The following MAP3K4 variants were observed in gnomAD, a reference collection of about 807,000 sequenced individuals.
The protein encoded by MAP3K4 is MAP three kinase 1.
A neutral mutation model predicts 185.6 loss-of-function variants in MAP3K4; 67 were observed. That is an observed-to-expected ratio of 0.36 (90% CI 0.30 to 0.44). MAP3K4 has a LOEUF of 0.44. Ranked by LOEUF, MAP3K4 falls within the 20% of genes least tolerant of loss-of-function variation. MAP3K4 has a pLI of 1.00. For synonymous variants in MAP3K4, 702 were observed against 710.4 expected (o/e 0.99, Z 0.19); for missense variants, 1,551 against 1,995.1 (o/e 0.78, Z 4.24).
chr6:161,106,375 C>A lies in MAP3K4; in HGVS notation c.3857-139C>A. The A allele has an allele frequency of 3.5e-6, 2 of 573,364 alleles. No individual in the cohort carries two copies. Among genetic ancestry groups the A allele is most frequent in the Non-Finnish European group, 6.1e-6 (2 of 329,862 alleles). The allele number at this position is 573,364 out of a possible 1,614,324, so 35.5% of individuals were successfully genotyped here. A position where few individuals can be genotyped will look rare whatever the true frequency, so the allele number is the denominator to read the frequency against. On this transcript the variant is annotated intron_variant, in intron 19 of 26. Transcript: ENST00000392142. The surrounding 1 kb of genome is among the most constrained non-coding windows in gnomAD (Gnocchi z 4.9). ...TAGCGTTTGAAGAACTTTAATTCAC[C>A]TGCTGTTTATCTGAATAGATAATAA...
At chr6:161,095,840 A>G (rs1777542723) in intron 15 of MAP3K4, among the ~76,000 whole-genome samples, 1 of 152,242 alleles carries the variant, frequency 6.6e-6, no homozygotes. Context: ...TGAAGTGGAA[A>G]GTTTTGCAGT....
At position 161,054,834 on chromosome 6, in the gene MAP3K4, A is replaced by G. The variant is rs1784164862; in HGVS notation, c.1707+4855A>G. ...TAACTGAACTAATAATACCAGCTGC[A>G]GTTTTATCCTGGCTGTAAGGACTAC... On this transcript the variant is annotated intron_variant, in intron 3 of 26. Coordinates refer to ENST00000392142, the MANE Select transcript of MAP3K4 (RefSeq NM_005922.4). The surrounding 1 kb of genome is among the most constrained non-coding windows in gnomAD (Gnocchi z 4.2). 6.6e-6 allele frequency among the ~76,000 whole-genome samples: 1 copy of G among 152,226 alleles called. No individual in the cohort carries two copies. Among genetic ancestry groups the G allele is most frequent in the Non-Finnish European group, 1.5e-5 (1 of 68,036 alleles).
rs1193430414 is a variant in MAP3K4, at chr6:161,112,738, T to C, written c.4590T>C (p.Ser1530=). ...ATGGGCGTGCGGCCGACATCTGGAG[T>C]CTGGGGTGTGTTGTCATAGAGATGG... ...EGHGRAADIW[S]LGCVVIEMVT... Residue 1530 remains serine, a synonymous_variant, in exon 25 of 27, where the codon AGT becomes AGC. Transcript: ENST00000392142. This position sits in a 1 kb window ranked among gnomAD's most constrained non-coding sequence, Gnocchi z 5.1. 1.2e-6 allele frequency: 2 copies of C among 1,607,062 alleles called. No homozygotes were observed. Among genetic ancestry groups the C allele is most frequent in the African/African-American group, 2.7e-5 (2 of 74,552 alleles).
chr6:161,061,253 G>T lies in MAP3K4; in HGVS notation c.1708-9355G>T, dbSNP rs1158298630. 1.3e-5 allele frequency among the ~76,000 whole-genome samples: 2 copies of T among 152,110 alleles called. No individual in the cohort carries two copies. The highest frequency in any genetic ancestry group is 4.8e-5 in the African/African-American group (2 of 41,414). On this transcript the variant is annotated intron_variant, in intron 3 of 26. Transcript: ENST00000392142. This position sits in a 1 kb window ranked among gnomAD's most constrained non-coding sequence, Gnocchi z 4.2. ...CAGATACTGACTATATTCCAAAATA[G>T]ACAATCATCTCAGTGTGATTACTGG...
chr6:161,060,861 C>A (rs914349584), intron 3 of MAP3K4, among the ~76,000 whole-genome samples: 2 of 152,136 alleles, frequency 1.3e-5, no homozygotes, highest in African/African-American at 4.8e-5. Context: ...CTCAAGTGAT[C>A]TGCCGGCCTC....
chr6:161,038,432 T>G (rs58645207), intron 2 of MAP3K4, among the ~76,000 whole-genome samples: 1 of 152,200 alleles, frequency 6.6e-6, no homozygotes, highest in Non-Finnish European at 1.5e-5. Flanking sequence ...ATTAGATTGG[T>G]CAGATTTATT....
rs1011940736 is a variant in MAP3K4 at position 161,116,733 on chromosome 6, A to C, written c.4807-117A>C. 53 of 828,050 alleles carry C rather than the reference A, an allele frequency of 6.4e-5. No individual in the cohort carries two copies. Among genetic ancestry groups the C allele is most frequent in the South Asian group, 8.9e-5 (6 of 67,202 alleles). 51.3% of individuals were successfully genotyped at this position (828,050 alleles called of 1,614,324 possible). A position where few individuals can be genotyped will look rare whatever the true frequency, so the allele number is the denominator to read the frequency against. On this transcript the variant is annotated intron_variant, in intron 26 of 26. Transcript: ENST00000392142. This position sits in a 1 kb window ranked among gnomAD's most constrained non-coding sequence, Gnocchi z 6.2. Reference sequence around the variant, plus strand: ...AAGCCTTGCCCTCTGTGCCCAGTACAGTGCTGGGAGCATCAGGATGAGTGG... The same window carrying C: ...AAGCCTTGCCCTCTGTGCCCAGTACCGTGCTGGGAGCATCAGGATGAGTGG...
rs1384213987 is a variant in MAP3K4, at chr6:161,103,713, G to A, written c.3856+934G>A. ...AGCTGGTGTGTTTGGGATGTGGGAG[G>A]CTGGGGATGAGTAAGACGCTGAGAT... On this transcript the variant is annotated intron_variant, in intron 19 of 26. Coordinates refer to ENST00000392142, the MANE Select transcript of MAP3K4 (RefSeq NM_005922.4). This position sits in a 1 kb window ranked among gnomAD's most constrained non-coding sequence, Gnocchi z 4.6. Among the ~76,000 whole-genome samples the A allele has an allele frequency of 6.6e-6, 1 of 152,198 alleles. No individual in the cohort carries two copies. The highest frequency in any genetic ancestry group is 1.5e-5 in the Non-Finnish European group (1 of 68,038).
intron 1 of MAP3K4, among the ~76,000 whole-genome samples, chr6:161,000,418 TC>T (rs373754558): frequency 2.2e-4 from 34 of 152,292 alleles, no homozygotes; most frequent in African/African-American, 7.0e-4. Flanking sequence ...AATACTTACT[TC>T]TTGAAGACAG....
At chr6:161,058,128 A>G (rs1784323718) in intron 3 of MAP3K4, among the ~76,000 whole-genome samples, 1 of 152,280 alleles carries the variant, frequency 6.6e-6, no homozygotes, top group Non-Finnish European at 1.5e-5. Flanking sequence ...GAGCCAGGAT[A>G]TGAACCCAGA....
chr6:161,112,579 T>G lies in MAP3K4; in HGVS notation c.4520-89T>G. The G allele has an allele frequency of 3.9e-6, 3 of 773,696 alleles. No individual in the cohort carries two copies. Among genetic ancestry groups the G allele is most frequent in the Non-Finnish European group, 5.7e-6 (3 of 526,558 alleles). 47.9% of individuals were successfully genotyped at this position (773,696 alleles called of 1,614,324 possible). On this transcript the variant is annotated intron_variant, in intron 24 of 26. Coordinates refer to ENST00000392142, the MANE Select transcript of MAP3K4 (RefSeq NM_005922.4). The surrounding 1 kb of genome is among the most constrained non-coding windows in gnomAD (Gnocchi z 5.1). ...ATTACCTAATGCAGGAAGATAATAT[T>G]GTACAATATTAATTTATTGCTTGGC...
At chr6:161,047,137 TATATA>T (rs1159094499) in intron 2 of MAP3K4, among the ~76,000 whole-genome samples, 1 of 146,554 alleles carries the variant, frequency 6.8e-6, no homozygotes, top group Non-Finnish European at 1.5e-5. Context: ...TATATATATA[TATATA>T]TATGTTTAAA....
At chr6:161,020,963 G>A (rs925873228) in intron 1 of MAP3K4, among the ~76,000 whole-genome samples, 9 of 152,166 alleles carry the variant, frequency 5.9e-5, no homozygotes, top group South Asian at 4.1e-4. Flanking sequence ...TACCAATTAC[G>A]TTCTCCTTAG....
chr6:161,020,305 C>T (rs747516708), intron 1 of MAP3K4, among the ~76,000 whole-genome samples: 42 of 152,168 alleles, frequency 2.8e-4, no homozygotes, highest in Middle Eastern at 3.4e-3. Flanking sequence ...GACAGAGTCT[C>T]GCTCTGTCAC....
chr6:160,998,273 A>C (rs1583082580), intron 1 of MAP3K4, among the ~76,000 whole-genome samples: 1 of 152,222 alleles, frequency 6.6e-6, no homozygotes, highest in Non-Finnish European at 1.5e-5. Flanking sequence ...TAAACTTCTT[A>C]AAACCCTAAT....
rs1318568697 is a variant in MAP3K4, at chr6:161,100,567, T to C, written c.3675-1325T>C. On this transcript the variant is annotated intron_variant, in intron 17 of 26. Coordinates refer to ENST00000392142, the MANE Select transcript of MAP3K4 (RefSeq NM_005922.4). The surrounding 1 kb of genome is among the most constrained non-coding windows in gnomAD (Gnocchi z 5.8). ...GTTTGAGAAATTTTGCAAGTTGTTA[T>C]ACCACAGAAATTGGCAAACTCTACA... 6.6e-6 allele frequency among the ~76,000 whole-genome samples: 1 copy of C among 152,208 alleles called. No homozygotes were observed. The highest frequency in any genetic ancestry group is 1.5e-5 in the Non-Finnish European group (1 of 68,040).
rs906039817 is a variant in MAP3K4 at position 161,048,499 on chromosome 6, C to A, written c.344-117C>A. 1 of 635,676 alleles carries A rather than the reference C, an allele frequency of 1.6e-6. No homozygotes were observed. The highest frequency in any genetic ancestry group is 2.6e-6 in the Non-Finnish European group (1 of 388,944). 39.4% of individuals were successfully genotyped at this position (635,676 alleles called of 1,614,324 possible). ...TTTAGGATATGGTATGCTTTTTTTT[C>A]TTCCATTAGCAGTCTGAAAATATAA... On this transcript the variant is annotated intron_variant, in intron 2 of 26. Coordinates refer to ENST00000392142, the MANE Select transcript of MAP3K4 (RefSeq NM_005922.4). This position sits in a 1 kb window ranked among gnomAD's most constrained non-coding sequence, Gnocchi z 4.7.
rs1470072420 is a variant in MAP3K4 at position 161,007,471 on chromosome 6, C to G, written c.152+15388C>G. 1.3e-5 allele frequency among the ~76,000 whole-genome samples: 2 copies of G among 152,146 alleles called. No homozygotes were observed. Among genetic ancestry groups the G allele is most frequent in the African/African-American group, 4.8e-5 (2 of 41,426 alleles). Reference sequence around the variant, plus strand: ...GGAACACAGAACGTGGATTTCCTATCCATTGCTCTCTTAAGGAGCACAGGG... The same window carrying G: ...GGAACACAGAACGTGGATTTCCTATGCATTGCTCTCTTAAGGAGCACAGGG... On this transcript the variant is annotated intron_variant, in intron 1 of 26. Coordinates refer to ENST00000392142, the MANE Select transcript of MAP3K4 (RefSeq NM_005922.4). This position sits in a 1 kb window ranked among gnomAD's most constrained non-coding sequence, Gnocchi z 4.5.
chr6:161,021,460 G>A (rs1014277163), intron 1 of MAP3K4, among the ~76,000 whole-genome samples: 1 of 152,130 alleles, frequency 6.6e-6, no homozygotes, highest in African/African-American at 2.4e-5. Flanking sequence ...TGTCTTAGCA[G>A]CCCCCCACTT....
Sources: gnomAD v4.1 joint callset for allele counts (sites outside exome capture counted in the v4.1 genomes callset) on GRCh38, gnomAD v4.1.1 for gene constraint, Gnocchi (gnomAD v3.1) non-coding constraint, MANE v1.5 for transcripts, NCBI Gene and HGNC (gene_info 2026-07-23, HGNC 2026-07-21) for gene names.